Variants in CDH23 observed in about 807,000 individuals in gnomAD.
CDH23 encodes the protein cadherin related 23.
In CDH23, 189 loss-of-function variants were observed where a neutral mutation model predicts 317.1. That is an observed-to-expected ratio of 0.60 (90% CI 0.53 to 0.67). The LOEUF (loss-of-function observed/expected upper bound fraction) is 0.67, where lower values mean the gene tolerates loss of function less well. Among genes scored for constraint, CDH23 ranks in the 30% least tolerant of loss-of-function variants. The pLI is 0.00. For synonymous variants in CDH23, 1,839 were observed against 1,876.8 expected, an observed-to-expected ratio of 0.98 and a Z score of 0.52; for missense variants, 4,401 against 4,592.4, an observed-to-expected ratio of 0.96 and a Z score of 1.20.
chr10:71,795,799 T>G (rs1184760351), intron 48 of CDH23: 1 of 987,408 alleles, frequency 1.0e-6, no homozygotes, highest in East Asian at 1.1e-4. Flanking sequence ...TAACTGATGT[T>G]AACCCTCTTC....
At chr10:71,576,179 C>T (rs199612251) in intron 8 of CDH23, among the ~76,000 whole-genome samples, 1 of 152,224 alleles carries the variant, frequency 6.6e-6, no homozygotes, top group Non-Finnish European at 1.5e-5. Flanking sequence ...CCAGCCCCCT[C>T]GTGTCTCCCC....
chr10:71,661,648 A>T (rs1863655124), intron 14 of CDH23, among the ~76,000 whole-genome samples: 1 of 151,754 alleles, frequency 6.6e-6, no homozygotes, highest in Admixed American at 6.6e-5. Context: ...GAGTCAGGAA[A>T]CCTAAATGTC....
intron 38 of CDH23, chr10:71,755,475 G>A: frequency 6.2e-7 from 1 of 1,606,224 alleles, no homozygotes; most frequent in East Asian, 2.2e-5. Flanking sequence ...GTCTGAAAGG[G>A]CAGAGAGGTA....
rs367560320 is a variant in CDH23 at position 71,645,628 on chromosome 10, G to A, written c.1141-203G>A. 69 of 755,732 alleles carry A rather than the reference G, an allele frequency of 9.1e-5. 1 individual carries two copies. The highest frequency in any genetic ancestry group is 5.5e-4 in the South Asian group (40 of 73,062). 46.8% of individuals were successfully genotyped at this position (755,732 alleles called of 1,614,324 possible). ...AAGGAAGGAAAAGAGAGCCAGAGGA[G>A]GTTTCCAGAGGGCCTAGACATGGGT... On this transcript the variant is annotated intron_variant, in intron 12 of 69. Coordinates refer to ENST00000224721, the MANE Select transcript of CDH23 (RefSeq NM_022124.6).
intron 6 of CDH23, among the ~76,000 whole-genome samples, chr10:71,525,756 G>A (rs775136685): frequency 2.2e-4 from 33 of 152,306 alleles, no homozygotes; most frequent in African/African-American, 6.5e-4. Flanking sequence ...CTGAGCATCC[G>A]TGACCCTCCT....
At chr10:71,691,083 A>G (rs906997346) in intron 20 of CDH23, among the ~76,000 whole-genome samples, 2 of 152,174 alleles carry the variant, frequency 1.3e-5, no homozygotes, top group African/African-American at 2.4e-5. Flanking sequence ...AGTGCTAAAA[A>G]AAATTACCAT....
chr10:71,536,946 C>A (rs978748927), intron 6 of CDH23, among the ~76,000 whole-genome samples: 3 of 152,024 alleles, frequency 2.0e-5, no homozygotes, highest in Non-Finnish European at 2.9e-5. Flanking sequence ...GACAGTCTGG[C>A]CTATAAAACT....
At chr10:71,406,305 G>A (rs1043357562) in intron 1 of CDH23, among the ~76,000 whole-genome samples, 6 of 152,234 alleles carry the variant, frequency 3.9e-5, no homozygotes, top group African/African-American at 1.4e-4. Flanking sequence ...TTCCTCTGGG[G>A]AAGAGGGTCT....
Position 71,725,463 on chromosome 10 carries a change from CGTGCTGATA to C in CDH23, c.3526_3534del (p.Leu1176_Val1178del). The C allele has an allele frequency of 6.2e-7, 1 of 1,614,006 alleles. No homozygotes were observed. The highest frequency in any genetic ancestry group is 1.1e-5 in the South Asian group (1 of 91,070). On this transcript the variant is annotated inframe_deletion, in exon 30 of 70. Coordinates refer to ENST00000224721, the MANE Select transcript of CDH23 (RefSeq NM_022124.6). ...TGGACCGGGAGCGGAACTCATCCCA[CGTGCTGATA>C]GTGGAGGCCTACAACCACGACCTGG... is the stretch of plus-strand genomic sequence containing the variant.
intron 37 of CDH23, 146 bp from the exon 38 acceptor site, chr10:71,741,548 T>C: frequency 1.5e-6 from 1 of 671,710 alleles, no homozygotes; most frequent in Non-Finnish European, 2.6e-6. Flanking sequence ...GCTGCTATCA[T>C]CCTTATTATC....
intron 14 of CDH23, among the ~76,000 whole-genome samples, chr10:71,664,729 C>A (rs891191688): frequency 1.3e-5 from 2 of 152,190 alleles, no homozygotes; most frequent in African/African-American, 4.8e-5. Flanking sequence ...CTCTCATTAC[C>A]TCCATTTTAC....
chr10:71,711,792 T>A (rs1865979530), intron 27 of CDH23: 1 of 152,198 alleles, frequency 6.6e-6, no homozygotes, highest in Non-Finnish European at 1.5e-5. Flanking sequence ...TGGGCCCACA[T>A]TCTGCCTGTC....
intron 48 of CDH23, chr10:71,794,730 G>A (rs1841355614): frequency 6.6e-6 from 1 of 152,352 alleles, no homozygotes; most frequent in Non-Finnish European, 1.5e-5. Context: ...ATGCACTGCT[G>A]TAGGAGTTGT....
intron 41 of CDH23, 55 bp from the exon 42 acceptor site, chr10:71,784,232 C>T (rs1478489653): frequency 1.3e-6 from 2 of 1,572,868 alleles, no homozygotes; most frequent in Non-Finnish European, 1.7e-6. Flanking sequence ...GTCCTGGGGT[C>T]TCCACAGTTC....
intron 30 of CDH23, among the ~76,000 whole-genome samples, chr10:71,728,592 A>C (rs1866918414): frequency 6.6e-6 from 1 of 152,170 alleles, no homozygotes. Flanking sequence ...TCTGCTGCAC[A>C]TGCAGAGGCC....
intron 7 of CDH23, among the ~76,000 whole-genome samples, 171 bp downstream of exon 7, chr10:71,567,107 G>T (rs555780327): frequency 2.6e-5 from 4 of 152,320 alleles, no homozygotes; most frequent in Non-Finnish European, 5.9e-5. Context: ...CTGAGGCTTT[G>T]TGCTGTGTCC....
chr10:71,625,884 C>T (rs958909692), intron 11 of CDH23, among the ~76,000 whole-genome samples: 9 of 152,120 alleles, frequency 5.9e-5, no homozygotes, highest in Admixed American at 3.3e-4. Flanking sequence ...CTAAGTGAGC[C>T]GCAGCATTCT....
intron 1 of CDH23, among the ~76,000 whole-genome samples, chr10:71,422,347 C>CTTCT (rs1055170944): frequency 4.6e-4 from 70 of 152,348 alleles, no homozygotes; most frequent in African/African-American, 1.6e-3. Context: ...TTGTCACTTA[C>CTTCT]TTCTGTGAGA....
intron 46 of CDH23, chr10:71,790,788 C>A: frequency 2.1e-6 from 1 of 469,950 alleles, no homozygotes; most frequent in Non-Finnish European, 3.9e-6. Flanking sequence ...CCGTCTGGTC[C>A]TGGACAGGAG....
Sources: allele counts gnomAD v4.1 joint callset (sites outside exome capture counted in the v4.1 genomes callset), GRCh38; gene constraint gnomAD v4.1.1; transcripts MANE v1.5; gene names NCBI Gene and HGNC (gene_info 2026-07-23, HGNC 2026-07-21).